Variants in KSR1 observed in about 807,000 individuals in gnomAD.
KSR1 encodes the protein kinase suppressor of ras.
KSR1 carries 35 observed loss-of-function variants against 92.9 expected under a neutral mutation model. That is an observed-to-expected ratio of 0.38 (90% CI 0.29 to 0.50). The LOEUF is 0.50. KSR1 is among the 20% of genes least tolerant of loss of function. KSR1 has a pLI of 0.94. For synonymous variants in KSR1, 467 were observed against 472.6 expected, an observed-to-expected ratio of 0.99 and a Z score of 0.15; for missense variants, 972 against 1,158.5, an observed-to-expected ratio of 0.84 and a Z score of 2.34.
At chr17:27,514,216 G>A (rs1439991737) in intron 1 of KSR1, among the ~76,000 whole-genome samples, 1 of 152,254 alleles carries the variant, frequency 6.6e-6, no homozygotes, top group Non-Finnish European at 1.5e-5. Flanking sequence ...CGGTCAGCCT[G>A]TGTTTTATTG....
At chr17:27,517,523 T>C (rs1209046136) in intron 1 of KSR1, among the ~76,000 whole-genome samples, 1 of 152,194 alleles carries the variant, frequency 6.6e-6, no homozygotes, top group African/African-American at 2.4e-5. Flanking sequence ...CTCCTGATTC[T>C]GAGCTCAAGC....
chr17:27,484,944 C>G (rs957638003), intron 1 of KSR1, among the ~76,000 whole-genome samples: 1 of 152,236 alleles, frequency 6.6e-6, no homozygotes, highest in Admixed American at 6.5e-5. Flanking sequence ...TTTACCAACA[C>G]TGTCCTCCCC....
intron 11 of KSR1, among the ~76,000 whole-genome samples, chr17:27,601,607 T>C (rs1169338114): frequency 1.3e-5 from 2 of 152,216 alleles, no homozygotes; most frequent in East Asian, 3.9e-4. Flanking sequence ...AAGTTCTTGC[T>C]GGGAGGGACC....
At chr17:27,599,818 CT>C (rs1200902844) in intron 10 of KSR1, among the ~76,000 whole-genome samples, 6 of 151,472 alleles carry the variant, frequency 4.0e-5, no homozygotes, top group African/African-American at 9.7e-5. Flanking sequence ...TGTACAAAAA[CT>C]TTTTTTTTGA....
intron 16 of KSR1, 68 bp from the exon 17 acceptor site, chr17:27,609,999 G>A: frequency 6.3e-7 from 1 of 1,593,274 alleles, no homozygotes; most frequent in Admixed American, 1.7e-5. Flanking sequence ...GGGCAGACCT[G>A]TGCCAGGCAG....
At chr17:27,609,831 C>A in intron 16 of KSR1, 1 of 442,696 alleles carries the variant, frequency 2.3e-6, no homozygotes, top group Non-Finnish European at 4.0e-6. Context: ...AGCTCCCTGT[C>A]AATATTTATC....
chr17:27,609,169 C>T, intron 15 of KSR1, 27 bp from the exon 16 acceptor site: 2 of 1,602,608 alleles, frequency 1.2e-6, no homozygotes, highest in Non-Finnish European at 1.7e-6. Context: ...CGTTGCACAT[C>T]TTCACTCCTC....
At chr17:27,590,317 G>A (rs2073120716) in intron 6 of KSR1, among the ~76,000 whole-genome samples, 1 of 152,202 alleles carries the variant, frequency 6.6e-6, no homozygotes, top group African/African-American at 2.4e-5. Flanking sequence ...TGCACAGAAA[G>A]AGCGTCCTTG....
rs193179765 is a variant in KSR1, at chr17:27,618,382, C to T, written c.2627+954C>T. Among the ~76,000 whole-genome samples the T allele has an allele frequency of 1.1e-3, 167 of 152,354 alleles. 4 individuals carry two copies. The East Asian group carries it at 0.024, about 22-fold the overall frequency. On this transcript the variant is annotated intron_variant, in intron 19 of 20. Transcript: ENST00000644974. ...AGAGACCTCTGCTCTGTCACGAATG[C>T]TCTGTGAGAACCTGGGAAGTTTGTT...
chr17:27,534,311 C>T (rs1243514651), intron 1 of KSR1, among the ~76,000 whole-genome samples: 2 of 152,194 alleles, frequency 1.3e-5, no homozygotes, highest in African/African-American at 2.4e-5. Flanking sequence ...TGGAGTCATC[C>T]AGGAATGTGT....
In KSR1 at chr17:27,563,316, T is replaced by A. The variant is rs554610083; in HGVS notation, c.372+12608T>A. ...TGTTTTTTTGCTGCCCAGGCTGGAG[T>A]GTAGTGGTGCAATCATGGCCCACTG... is the stretch of plus-strand genomic sequence containing the variant. On this transcript the variant is annotated intron_variant, in intron 2 of 20. Coordinates refer to ENST00000644974, the MANE Select transcript of KSR1 (RefSeq NM_001394583.1). 2.6e-5 allele frequency among the ~76,000 whole-genome samples: 4 copies of A among 152,180 alleles called. No individual in the cohort carries two copies. The South Asian group carries it at 8.3e-4, about 32-fold the overall frequency.
intron 1 of KSR1, among the ~76,000 whole-genome samples, chr17:27,464,696 A>T (rs2019601827): frequency 7.2e-6 from 1 of 139,246 alleles, no homozygotes; most frequent in South Asian, 2.7e-4. Flanking sequence ...ACAGAGCAAG[A>T]ACTTGACTCA....
At chr17:27,561,634 G>A (rs1463349349) in intron 2 of KSR1, among the ~76,000 whole-genome samples, 1 of 152,292 alleles carries the variant, frequency 6.6e-6, no homozygotes, top group East Asian at 1.9e-4. Context: ...CACCTGTTGT[G>A]TGCTCGGCAC....
chr17:27,614,749 T>G (rs745705203), intron 18 of KSR1, among the ~76,000 whole-genome samples: 7 of 152,194 alleles, frequency 4.6e-5, no homozygotes, highest in Non-Finnish European at 7.3e-5. Context: ...GGGTGATGGT[T>G]GTTTTGAGAC....
chr17:27,621,889 T>C, intron 20 of KSR1: 1 of 1,612,346 alleles, frequency 6.2e-7, no homozygotes, highest in Non-Finnish European at 8.5e-7. Flanking sequence ...GGGCTATGAT[T>C]CTGATGCTGT....
At chr17:27,583,425 C>T (rs1217629165) in intron 4 of KSR1, among the ~76,000 whole-genome samples, 1 of 151,748 alleles carries the variant, frequency 6.6e-6, no homozygotes, top group East Asian at 1.9e-4. Context: ...TTGCTCATGC[C>T]GCCTTGTCCA....
intron 1 of KSR1, among the ~76,000 whole-genome samples, chr17:27,527,533 C>G (rs1429873222): frequency 1.3e-5 from 2 of 152,068 alleles, no homozygotes; most frequent in Non-Finnish European, 2.9e-5. Context: ...GTAGCTGGGA[C>G]TACAGGCACC....
chr17:27,521,087 T>G (rs2070007137), intron 1 of KSR1, among the ~76,000 whole-genome samples: 1 of 152,180 alleles, frequency 6.6e-6, no homozygotes, highest in Admixed American at 6.5e-5. Context: ...TGTCCTCATG[T>G]TTGAATCATG....
rs1199333940 is a variant in KSR1 at position 27,456,451 on chromosome 17, G to T, written c.-193G>T. ...CTCCGGGAGCCGCAGCCGTCGGGTCGCCGCGGCTTTCGCTTTGCTGCCGCG... is the reference window on the plus strand; with the variant it reads ...CTCCGGGAGCCGCAGCCGTCGGGTCTCCGCGGCTTTCGCTTTGCTGCCGCG... On this transcript the variant is annotated 5_prime_UTR_variant, in exon 1 of 21. Transcript: ENST00000644974. 2 of 376,990 alleles carry T rather than the reference G, an allele frequency of 5.3e-6. No homozygotes were observed. Among genetic ancestry groups the T allele is most frequent in the Non-Finnish European group, 9.3e-6 (2 of 214,352 alleles). The allele number at this position is 376,990 out of a possible 1,614,324, so 23.4% of individuals were successfully genotyped here. A position where few individuals can be genotyped will look rare whatever the true frequency, so the allele number is the denominator to read the frequency against.
Sources: gnomAD v4.1 joint callset for allele counts (sites outside exome capture counted in the v4.1 genomes callset) on GRCh38, gnomAD v4.1.1 for gene constraint, MANE v1.5 for transcripts, NCBI Gene and HGNC (gene_info 2026-07-23, HGNC 2026-07-21) for gene names.